NRCAM: variants seen among roughly 807,000 people sequenced by gnomAD.
NRCAM encodes the protein NgCAM-related cell adhesion molecule.
A neutral mutation model predicts 156.5 loss-of-function variants in NRCAM; 83 were observed. The observed-to-expected ratio is 0.53, with a 90% confidence interval of 0.44 to 0.64. The LOEUF (loss-of-function observed/expected upper bound fraction) is 0.64, where lower values mean the gene tolerates loss of function less well. Among genes scored for constraint, NRCAM ranks in the 30% least tolerant of loss-of-function variants. The pLI is 0.00. For synonymous variants in NRCAM, 538 were observed against 563.9 expected (o/e 0.95, Z 0.65); for missense variants, 1,417 against 1,597.3 (o/e 0.89, Z 1.92).
intron 15 of NRCAM, among the ~76,000 whole-genome samples, chr7:108,195,364 C>A (rs7796675): frequency 0.23 from 34,522 of 152,022 alleles, 4,083 homozygotes; most frequent in Non-Finnish European, 0.26. Flanking sequence ...TGGCTCATAC[C>A]TATAATCCCA....
intron 32 of NRCAM, chr7:108,156,613 G>A (rs2045641891): frequency 6.4e-6 from 1 of 155,436 alleles, no homozygotes; most frequent in African/African-American, 2.4e-5. Flanking sequence ...ATCTGGCTTA[G>A]AGCCAGCCAT....
intron 1 of NRCAM, among the ~76,000 whole-genome samples, chr7:108,451,725 C>G (rs1283279775): frequency 6.6e-6 from 1 of 152,130 alleles, no homozygotes; most frequent in Non-Finnish European, 1.5e-5. Context: ...TGATTCCACT[C>G]ATATGAGGTA....
At chr7:108,298,038 G>A (rs2098486065) in intron 3 of NRCAM, among the ~76,000 whole-genome samples, 2 of 152,158 alleles carry the variant, frequency 1.3e-5, no homozygotes, top group Admixed American at 6.5e-5. Context: ...TCAGGACAGG[G>A]CTTTGGCTTT....
chr7:108,184,418 T>A lies in NRCAM; in HGVS notation c.2232A>T (p.Ser744=), dbSNP rs778304901. 6.1e-5 allele frequency: 99 copies of A among 1,614,052 alleles called. No individual in the cohort carries two copies. Among genetic ancestry groups the A allele is most frequent in the Non-Finnish European group, 8.3e-5 (98 of 1,180,028 alleles). Residue 744 remains serine, a splice_region_variant and synonymous_variant, in exon 21 of 33, where the codon TCA becomes TCT. Transcript: ENST00000379028. ...EASEQYLTKA[S]EPDKNPTAVE... Reference sequence around the variant, plus strand: ...AGAAGTCCCGCTTTCCCGCTTTACCTGAGGCTTTCGTCAAATACTGCTCAG... The same window carrying A: ...AGAAGTCCCGCTTTCCCGCTTTACCAGAGGCTTTCGTCAAATACTGCTCAG...
intron 3 of NRCAM, among the ~76,000 whole-genome samples, chr7:108,247,512 C>T (rs1230010679): frequency 2.7e-5 from 4 of 147,682 alleles, no homozygotes; most frequent in Middle Eastern, 3.3e-3. Context: ...TCACACAAAA[C>T]TTATAGTCAG....
chr7:108,338,012 A>G lies in NRCAM; in HGVS notation c.-173-25281T>C, dbSNP rs755285757. Among the ~76,000 whole-genome samples the G allele has an allele frequency of 1.2e-3, 176 of 152,314 alleles. 1 individual carries two copies. Among genetic ancestry groups the G allele is most frequent in the Non-Finnish European group, 1.1e-3 (73 of 68,018 alleles). On this transcript the variant is annotated intron_variant, in intron 2 of 32. Coordinates refer to ENST00000379028, the MANE Select transcript of NRCAM (RefSeq NM_001037132.4). ...ACTCAGGTGTGAGGCTATCTGGGGA[A>G]GGGCTTTCTAACAACCCCCAACCCT...
intron 1 of NRCAM, among the ~76,000 whole-genome samples, chr7:108,406,015 G>A (rs1246544668): frequency 6.6e-6 from 1 of 151,458 alleles, no homozygotes; most frequent in Non-Finnish European, 1.5e-5. Context: ...CAGTCCCCAA[G>A]GGACTGCTGT....
chr7:108,152,792 G>C (rs2042540364), intron 32 of NRCAM, among the ~76,000 whole-genome samples: 1 of 152,138 alleles, frequency 6.6e-6, no homozygotes, highest in Admixed American at 6.6e-5. Context: ...ATAGAGTCAG[G>C]GGAGAATATT....
intron 1 of NRCAM, among the ~76,000 whole-genome samples, chr7:108,447,128 TG>T (rs1433362744): frequency 6.6e-6 from 1 of 152,166 alleles, no homozygotes; most frequent in Non-Finnish European, 1.5e-5. Context: ...TAGATATTTC[TG>T]AAAAATTTTT....
intron 2 of NRCAM, among the ~76,000 whole-genome samples, chr7:108,359,300 G>T (rs966860167): frequency 6.6e-6 from 1 of 152,140 alleles, no homozygotes; most frequent in African/African-American, 2.4e-5. Context: ...GGCACATTGT[G>T]AGCACTATAA....
intron 3 of NRCAM, among the ~76,000 whole-genome samples, chr7:108,268,636 T>TGGGGGGGGGGGGGGGGGGGGGG (rs1300340254): frequency 2.4e-4 from 2 of 8,490 alleles, no homozygotes; most frequent in African/African-American, 4.8e-4. Context: ...GGGGGGGGGT[T>TGGGGGGGGGGGGGGGGGGGGGG]GGGGGGGGCG....
At chr7:108,370,918 T>C (rs1202321905) in intron 2 of NRCAM, among the ~76,000 whole-genome samples, 1 of 152,148 alleles carries the variant, frequency 6.6e-6, no homozygotes, top group Non-Finnish European at 1.5e-5. Flanking sequence ...TCTACTTACA[T>C]CTGCCTCCAA....
chr7:108,167,034 C>T lies in NRCAM; in HGVS notation c.3353G>A (p.Arg1118Gln), dbSNP rs374338191. The change falls in exon 30 of 33, where the codon CGG (arginine) becomes CAG (glutamine). Residue 1118 changes from arginine (R) to glutamine (Q), a missense_variant. Transcript: ENST00000379028. ...TAGACCCTTTAACCCAAAGAAGCTC[C>T]GAGAACCATTTACAATTTCTTTTCT... ...EWRKEIVNGSRSFFGLKGLMP... is the reference protein window; with the variant it reads ...EWRKEIVNGSQSFFGLKGLMP... 31 of 1,613,740 alleles carry T rather than the reference C, an allele frequency of 1.9e-5. 1 individual carries two copies. The highest frequency in any genetic ancestry group is 6.7e-5 in the East Asian group (3 of 44,898).
chr7:108,252,673 T>A (rs962666609), intron 3 of NRCAM, among the ~76,000 whole-genome samples: 1 of 152,234 alleles, frequency 6.6e-6, no homozygotes, highest in Non-Finnish European at 1.5e-5. Context: ...GTTTTCTCTG[T>A]CCATTTAACT....
At chr7:108,234,510 A>ATC (rs1355768482) in intron 6 of NRCAM, 73 bp downstream of exon 6, 3 of 975,938 alleles carry the variant, frequency 3.1e-6, no homozygotes, top group Non-Finnish European at 4.8e-6. Flanking sequence ...GGAAATTCCC[A>ATC]AACATATTTC....
At chr7:108,299,103 CTCAAA>C (rs1489861063) in intron 3 of NRCAM, among the ~76,000 whole-genome samples, 18 of 6,028 alleles carry the variant, frequency 3.0e-3, no homozygotes, top group African/African-American at 5.6e-3. Flanking sequence ...AAGACTCCAT[CTCAAA>C]AAAAAAAAAG....
At chr7:108,220,445 C>T (rs1253594187) in intron 11 of NRCAM, among the ~76,000 whole-genome samples, 1 of 152,154 alleles carries the variant, frequency 6.6e-6, no homozygotes, top group Non-Finnish European at 1.5e-5. Flanking sequence ...TGATTTCAAA[C>T]TATACTATAA....
At chr7:108,331,440 G>A (rs1379492850) in intron 2 of NRCAM, among the ~76,000 whole-genome samples, 2 of 151,726 alleles carry the variant, frequency 1.3e-5, no homozygotes, top group Non-Finnish European at 2.9e-5. Flanking sequence ...AGAAATTTTC[G>A]GCTTTTAATA....
At chr7:108,377,907 A>G (rs145736487) in intron 2 of NRCAM, among the ~76,000 whole-genome samples, 20 of 152,318 alleles carry the variant, frequency 1.3e-4, no homozygotes, top group African/African-American at 4.3e-4. Flanking sequence ...AAAAGGCTAC[A>G]TTCTCTGTAT....
Sources: allele counts gnomAD v4.1 joint callset (sites outside exome capture counted in the v4.1 genomes callset), GRCh38; gene constraint gnomAD v4.1.1; transcripts MANE v1.5; gene names NCBI Gene and HGNC (gene_info 2026-07-23, HGNC 2026-07-21).